The following ATP2B1 variants were observed in gnomAD, a reference collection of about 807,000 sequenced individuals.
ATP2B1 encodes the protein ATPase plasma membrane Ca2+ transporting 1, also known as plasma membrane calcium-transporting ATPase 1.
ATP2B1 carries 14 observed loss-of-function variants against 124.2 expected under a neutral mutation model. The observed-to-expected ratio is 0.11, with a 90% CI of 0.07 to 0.18. The LOEUF (loss-of-function observed/expected upper bound fraction) is 0.18, where lower values mean the gene tolerates loss of function less well. Among genes scored for constraint, ATP2B1 ranks in the 10% least tolerant of loss-of-function variants. ATP2B1 has a pLI of 1.00. For missense variants in ATP2B1, 763 were observed against 1,466.1 expected (o/e 0.52, Z 7.83); for synonymous variants, 449 against 492.4 (o/e 0.91, Z 1.17).
chr12:89,606,384 G>GT (rs1307799088), intron 15 of ATP2B1, among the ~76,000 whole-genome samples: 1 of 152,096 alleles, frequency 6.6e-6, no homozygotes, highest in East Asian at 1.9e-4. Context: ...CAAAAATTTG[G>GT]TATGTGGCAG....
chr12:89,688,978 G>C (rs1263723254), intron 1 of ATP2B1, among the ~76,000 whole-genome samples: 2 of 152,024 alleles, frequency 1.3e-5, no homozygotes, highest in Admixed American at 6.6e-5. Flanking sequence ...CTCAACCTTA[G>C]TTGTTATTTA....
At chr12:89,673,060 A>C (rs1888186529) in intron 1 of ATP2B1, among the ~76,000 whole-genome samples, 1 of 152,206 alleles carries the variant, frequency 6.6e-6, no homozygotes, top group South Asian at 2.1e-4. Context: ...ACTCAAACAC[A>C]AAAACTCTAT....
intron 3 of ATP2B1, 103 bp downstream of exon 3, chr12:89,642,055 A>G: frequency 1.7e-6 from 2 of 1,173,146 alleles, no homozygotes; most frequent in Non-Finnish European, 2.5e-6. Context: ...CCTAGCACAT[A>G]GCAAACATCA....
chr12:89,668,503 C>CT (rs2136490705), intron 1 of ATP2B1, among the ~76,000 whole-genome samples: 1 of 152,228 alleles, frequency 6.6e-6, no homozygotes, highest in African/African-American at 2.4e-5. Flanking sequence ...TTTCTGGTAA[C>CT]TTTTTAATAT....
intron 2 of ATP2B1, among the ~76,000 whole-genome samples, chr12:89,650,247 T>A (rs1885070212): frequency 6.6e-6 from 1 of 152,244 alleles, no homozygotes; most frequent in African/African-American, 2.4e-5. Context: ...TTTATGTTTA[T>A]GTTTATTCTT....
At chr12:89,591,515 AAAGT>A (rs10580742) in intron 20 of ATP2B1, among the ~76,000 whole-genome samples, 21,184 of 152,060 alleles carry the variant, frequency 0.14, 1,692 homozygotes, top group South Asian at 0.31. Context: ...TAAAGAATTC[AAAGT>A]AATATTAAGA....
chr12:89,610,225 A>G (rs1461361209), intron 14 of ATP2B1, among the ~76,000 whole-genome samples, 182 bp from the exon 15 acceptor site: 1 of 152,230 alleles, frequency 6.6e-6, no homozygotes, highest in African/African-American at 2.4e-5. Flanking sequence ...TATTCAGAGC[A>G]ATATCCTGTT....
chr12:89,684,377 C>T (rs995100401), intron 1 of ATP2B1, among the ~76,000 whole-genome samples: 1 of 152,088 alleles, frequency 6.6e-6, no homozygotes, highest in South Asian at 2.1e-4. Flanking sequence ...CTACCATTCT[C>T]GCTATGGAAG....
chr12:89,702,827 C>T (rs1020932782), intron 1 of ATP2B1, among the ~76,000 whole-genome samples: 1 of 152,052 alleles, frequency 6.6e-6, no homozygotes, highest in Non-Finnish European at 1.5e-5. Flanking sequence ...AGTCACTGTA[C>T]TTAGAAATAC....
chr12:89,616,833 A>G lies in ATP2B1; in HGVS notation c.2036T>C (p.Val679Ala). Residue 679 changes from valine to alanine, a missense_variant, in exon 12 of 21, where the codon GTT becomes GCT. Transcript: ENST00000428670. Reference protein sequence around the residue: ...DIVTGLTCIAVVGIEDPVRPE... With the variant: ...DIVTGLTCIAAVGIEDPVRPE... ...TCTCACAGGATCTTCAATCCCCACA[A>G]CAGCAATGCATGTAAGGCCGGTGAC... The G allele has an allele frequency of 1.2e-6, 2 of 1,613,952 alleles. No homozygotes were observed. The highest frequency in any genetic ancestry group is 1.7e-6 in the Non-Finnish European group (2 of 1,179,898).
chr12:89,624,979 AT>A (rs1880603108), intron 8 of ATP2B1, among the ~76,000 whole-genome samples: 2 of 152,218 alleles, frequency 1.3e-5, no homozygotes, highest in Non-Finnish European at 2.9e-5. Context: ...GTATTAAAAA[AT>A]AGGGCAGCTG....
chr12:89,610,273 C>A, intron 14 of ATP2B1, 148 bp downstream of exon 14: 1 of 777,036 alleles, frequency 1.3e-6, no homozygotes, highest in Non-Finnish European at 2.1e-6. Flanking sequence ...ACACAATTTA[C>A]CTAAGGTATC....
intron 6 of ATP2B1, among the ~76,000 whole-genome samples, chr12:89,629,824 G>C (rs779744592): frequency 6.6e-6 from 1 of 152,194 alleles, no homozygotes; most frequent in Non-Finnish European, 1.5e-5. Flanking sequence ...TGGTATAGCA[G>C]ACACTTAGAA....
chr12:89,597,605 C>T (rs938225683), intron 20 of ATP2B1, among the ~76,000 whole-genome samples: 6 of 152,258 alleles, frequency 3.9e-5, no homozygotes, highest in Non-Finnish European at 8.8e-5. Flanking sequence ...CTCAAGGTTC[C>T]TCTAGTCCTT....
At chr12:89,677,823 GA>G (rs776055182) in intron 1 of ATP2B1, among the ~76,000 whole-genome samples, 3 of 151,184 alleles carry the variant, frequency 2.0e-5, no homozygotes, top group Non-Finnish European at 4.4e-5. Context: ...AAACCTAAAG[GA>G]AAGCATAAAA....
At chr12:89,635,695 A>C (rs1490594118) in intron 3 of ATP2B1, among the ~76,000 whole-genome samples, 2 of 152,214 alleles carry the variant, frequency 1.3e-5, no homozygotes, top group East Asian at 3.8e-4. Flanking sequence ...TAATTATTAC[A>C]TATGATAGAC....
In ATP2B1 at chr12:89,660,294, C is replaced by T. The variant is rs73437336; in HGVS notation, c.-221-4187G>A. On this transcript the variant is annotated intron_variant, in intron 1 of 20. Transcript: ENST00000428670. ...CAAAGCTAGGTAAAAATCGGCAATACGTTACATGACAGAATTGGGATCTGG... is the reference window on the plus strand; with the variant it reads ...CAAAGCTAGGTAAAAATCGGCAATATGTTACATGACAGAATTGGGATCTGG... 5.2e-3 allele frequency among the ~76,000 whole-genome samples: 794 copies of T among 152,234 alleles called. 10 individuals carry two copies. Among genetic ancestry groups the T allele is most frequent in the African/African-American group, 0.018 (739 of 41,538 alleles).
chr12:89,674,020 G>A (rs559800731), intron 1 of ATP2B1, among the ~76,000 whole-genome samples: 1 of 152,204 alleles, frequency 6.6e-6, no homozygotes, highest in Non-Finnish European at 1.5e-5. Context: ...TGACTTTCAT[G>A]TCGTTTAACC....
chr12:89,627,747 C>A (rs370542793), intron 6 of ATP2B1, 31 bp from the exon 7 acceptor site: 1 of 1,607,858 alleles, frequency 6.2e-7, no homozygotes, highest in Non-Finnish European at 8.5e-7. Context: ...TTAAAGCTTT[C>A]CAAAAGAAAT....
Sources: gnomAD v4.1 joint callset for allele counts (sites outside exome capture counted in the v4.1 genomes callset) on GRCh38, gnomAD v4.1.1 for gene constraint, MANE v1.5 for transcripts, NCBI Gene and HGNC (gene_info 2026-07-23, HGNC 2026-07-21) for gene names.